DYNC1I1: variants seen among roughly 807,000 people sequenced by gnomAD.
DYNC1I1 encodes dynein cytoplasmic 1 intermediate chain 1, also known as cytoplasmic dynein 1 intermediate chain 1.
A neutral mutation model predicts 86.6 loss-of-function variants in DYNC1I1; 43 were observed. The observed-to-expected ratio is 0.50, with a 90% CI of 0.39 to 0.64. The LOEUF (loss-of-function observed/expected upper bound fraction) is 0.64, where lower values mean the gene tolerates loss of function less well. Among genes scored for constraint, DYNC1I1 ranks in the 30% least tolerant of loss-of-function variants. The probability of loss-of-function intolerance (pLI) is 0.00; values close to 1 mark genes in which losing one functional copy is unlikely to be tolerated. For missense variants in DYNC1I1, 604 were observed against 788.8 expected, an observed-to-expected ratio of 0.77 and a Z score of 2.81; for synonymous variants, 262 against 283.7, an observed-to-expected ratio of 0.92 and a Z score of 0.77.
intron 1 of DYNC1I1, among the ~76,000 whole-genome samples, chr7:95,782,314 C>T (rs1328582180): frequency 6.6e-6 from 1 of 152,220 alleles, no homozygotes; most frequent in Non-Finnish European, 1.5e-5. Context: ...TGAAGTCTGC[C>T]TATTCCTGCT....
intron 10 of DYNC1I1, among the ~76,000 whole-genome samples, chr7:96,003,736 C>A (rs182650): frequency 0.2 from 29,801 of 151,958 alleles, 3,465 homozygotes; most frequent in African/African-American, 0.3. Flanking sequence ...CCAGATGAGT[C>A]CCCACCAAGA....
intron 5 of DYNC1I1, among the ~76,000 whole-genome samples, chr7:95,868,688 CAT>C (rs1282244309): frequency 6.6e-6 from 1 of 151,956 alleles, no homozygotes; most frequent in Non-Finnish European, 1.5e-5. Flanking sequence ...TTTTAAAATA[CAT>C]ATGTTTGTAA....
chr7:95,872,474 A>T (rs116388266), intron 6 of DYNC1I1, among the ~76,000 whole-genome samples: 379 of 152,306 alleles, frequency 2.5e-3, no homozygotes, highest in African/African-American at 8.6e-3. Context: ...TCAAGTTCTT[A>T]CACATTCCCA....
Position 96,035,636 on chromosome 7 carries a change from G to A in DYNC1I1, c.1248G>A (p.Val416=). 1 of 1,601,836 alleles carries A rather than the reference G, an allele frequency of 6.2e-7. No individual in the cohort carries two copies. The highest frequency in any genetic ancestry group is 8.5e-7 in the Non-Finnish European group (1 of 1,175,672). The part of the protein sequence containing the change: ...LSTPQESMEL[V]YNKSKPVAVT... Reference sequence around the variant, plus strand: ...TTTGGTAGGAGAGCATGGAGCTGGTGTACAATAAGTCCAAGCCTGTCGCTG... The same window carrying A: ...TTTGGTAGGAGAGCATGGAGCTGGTATACAATAAGTCCAAGCCTGTCGCTG... The change falls in exon 13 of 17, where the codon GTG becomes GTA. Residue 416 remains valine, a synonymous_variant. Transcript: ENST00000447467.
In DYNC1I1 at chr7:95,912,200, C is replaced by T. The variant is rs149760270; in HGVS notation, c.490+42202C>T. ...TACAGGCATGTGCCACCACACCCGG[C>T]TAATTTTTGTATTATTAGTAGAGAG... On this transcript the variant is annotated intron_variant, in intron 6 of 16. Coordinates refer to ENST00000447467, the MANE Select transcript of DYNC1I1 (RefSeq NM_001135556.2). 2.6e-3 allele frequency among the ~76,000 whole-genome samples: 389 copies of T among 152,222 alleles called. 1 individual carries two copies. Among genetic ancestry groups the T allele is most frequent in the African/African-American group, 8.7e-3 (361 of 41,522 alleles).
intron 4 of DYNC1I1, among the ~76,000 whole-genome samples, chr7:95,816,653 G>GAA (rs76856618): frequency 0.88 from 133,768 of 152,014 alleles, 59,124 homozygotes; most frequent in East Asian, 0.98. Flanking sequence ...AAACATAAAT[G>GAA]AAAAATCTTT....
chr7:95,957,732 G>C (rs769907249), intron 6 of DYNC1I1, among the ~76,000 whole-genome samples: 1 of 152,210 alleles, frequency 6.6e-6, no homozygotes. Flanking sequence ...CAGCAGGAAA[G>C]TGTTTGCTGA....
At chr7:95,912,274 T>C (rs991915009) in intron 6 of DYNC1I1, among the ~76,000 whole-genome samples, 7 of 152,198 alleles carry the variant, frequency 4.6e-5, no homozygotes, top group African/African-American at 1.7e-4. Context: ...TGACCTCAGG[T>C]GATCCACCCG....
chr7:95,853,379 C>T (rs1011233101), intron 5 of DYNC1I1, among the ~76,000 whole-genome samples: 1 of 152,120 alleles, frequency 6.6e-6, no homozygotes, highest in African/African-American at 2.4e-5. Context: ...TCTTCTTGCC[C>T]GTCTACCAGG....
chr7:95,925,643 TC>T (rs1791726271), intron 6 of DYNC1I1, among the ~76,000 whole-genome samples: 1 of 152,166 alleles, frequency 6.6e-6, no homozygotes, highest in Non-Finnish European at 1.5e-5. Flanking sequence ...CATCCAGCTC[TC>T]TAGAAAACAG....
intron 4 of DYNC1I1, among the ~76,000 whole-genome samples, chr7:95,814,182 G>C (rs1794897941): frequency 6.6e-6 from 1 of 152,134 alleles, no homozygotes; most frequent in Non-Finnish European, 1.5e-5. Flanking sequence ...CACATGATAT[G>C]ATGGACCCAA....
chr7:95,881,215 A>G (rs1462746991), intron 6 of DYNC1I1, among the ~76,000 whole-genome samples: 1 of 152,214 alleles, frequency 6.6e-6, no homozygotes, highest in Non-Finnish European at 1.5e-5. Flanking sequence ...TGGAAGCAGC[A>G]ATAAAGTCAC....
At chr7:95,995,331 C>T (rs1793838636) in intron 9 of DYNC1I1, among the ~76,000 whole-genome samples, 1 of 151,860 alleles carries the variant, frequency 6.6e-6, no homozygotes, top group Non-Finnish European at 1.5e-5. Flanking sequence ...AGTGCAAGAC[C>T]CTAAAATAGG....
intron 6 of DYNC1I1, among the ~76,000 whole-genome samples, chr7:95,872,282 T>C (rs1324824460): frequency 6.6e-6 from 1 of 152,214 alleles, no homozygotes; most frequent in Non-Finnish European, 1.5e-5. Flanking sequence ...AATGAGGCTC[T>C]TGGGTGGCTA....
intron 6 of DYNC1I1, among the ~76,000 whole-genome samples, chr7:95,901,810 C>T (rs1169213066): frequency 6.6e-6 from 1 of 152,152 alleles, no homozygotes; most frequent in East Asian, 1.9e-4. Flanking sequence ...TGGCCAAACA[C>T]CTGGATAATT....
intron 6 of DYNC1I1, among the ~76,000 whole-genome samples, chr7:95,952,680 G>A (rs1792592111): frequency 6.6e-6 from 1 of 152,056 alleles, no homozygotes; most frequent in Non-Finnish European, 1.5e-5. Context: ...TTCTGTACCA[G>A]GCAAAAACCT....
intron 6 of DYNC1I1, among the ~76,000 whole-genome samples, chr7:95,924,174 A>G (rs1791682363): frequency 6.6e-6 from 1 of 152,194 alleles, no homozygotes; most frequent in African/African-American, 2.4e-5. Flanking sequence ...AAATGAACAT[A>G]GTGATTCTGA....
intron 2 of DYNC1I1, 90 bp from the exon 3 acceptor site, chr7:95,810,302 A>T: frequency 1.0e-6 from 1 of 998,322 alleles, no homozygotes; most frequent in East Asian, 2.6e-5. Flanking sequence ...CCTTGTCTTC[A>T]CTGCCATGCA....
At chr7:96,019,195 C>G (rs1283718903) in intron 10 of DYNC1I1, among the ~76,000 whole-genome samples, 17 of 152,116 alleles carry the variant, frequency 1.1e-4, no homozygotes, top group Admixed American at 9.8e-4. Flanking sequence ...AAAATCTGCT[C>G]TCTGCAATTT....
Sources: allele counts gnomAD v4.1 joint callset (sites outside exome capture counted in the v4.1 genomes callset), GRCh38; gene constraint gnomAD v4.1.1; transcripts MANE v1.5; gene names NCBI Gene and HGNC (gene_info 2026-07-23, HGNC 2026-07-21).